Variants in RMND1 observed in about 807,000 individuals in gnomAD.
RMND1 encodes required for meiotic nuclear division protein 1 homolog.
RMND1 carries 41 observed loss-of-function variants against 54.0 expected under a neutral mutation model. The ratio of observed to expected loss-of-function variants is 0.76; its 90% CI spans 0.59 to 0.98. RMND1 has a LOEUF of 0.98. RMND1 is among the 50% of genes least tolerant of loss of function. The pLI, the probability that RMND1 is intolerant of heterozygous loss-of-function variation, is 0.00. For synonymous variants in RMND1, 183 were observed against 181.7 expected (o/e 1.01, Z -0.06); for missense variants, 457 against 532.0 (o/e 0.86, Z 1.39).
Position 151,422,536 on chromosome 6 carries a change from A to G in RMND1, c.1002+5T>C. The G allele has an allele frequency of 1.4e-6, 2 of 1,443,074 alleles. No individual in the cohort carries two copies. Among genetic ancestry groups the G allele is most frequent in the Non-Finnish European group, 9.4e-7 (1 of 1,059,844 alleles). The allele number at this position is 1,443,074 out of a possible 1,614,324, so 89.4% of individuals were successfully genotyped here. ...CTTGAATAAGCATAAAATTGATATA[A>G]TTACCTCAGGAATTGACTGAATAGA... On this transcript the variant is annotated splice_donor_5th_base_variant and intron_variant, in intron 8 of 11. Coordinates refer to ENST00000444024, the MANE Select transcript of RMND1 (RefSeq NM_017909.4).
chr6:151,443,506 T>A (rs1780850612), intron 2 of RMND1, among the ~76,000 whole-genome samples: 1 of 152,128 alleles, frequency 6.6e-6, no homozygotes, highest in Non-Finnish European at 1.5e-5. Flanking sequence ...AGACAGGGTT[T>A]CACCATATTG....
At chr6:151,427,639 G>A in intron 5 of RMND1, 57 bp from the exon 6 acceptor site, 1 of 1,113,342 alleles carries the variant, frequency 9.0e-7, no homozygotes. Flanking sequence ...GTTCAAGTAT[G>A]TTATGATTTT....
chr6:151,433,305 T>A (rs1277074056), intron 3 of RMND1, 75 bp from the exon 4 acceptor site: 1 of 866,402 alleles, frequency 1.2e-6, no homozygotes. Context: ...ATAAACACTG[T>A]AATAAAGTAC....
In RMND1 at chr6:151,406,188, C is replaced by T. The variant is rs537108653; in HGVS notation, c.1201-352G>A. 3.0e-4 allele frequency among the ~76,000 whole-genome samples: 46 copies of T among 152,272 alleles called. No homozygotes were observed. In the South Asian group the frequency reaches 8.1e-3, roughly 27 times the overall value. On this transcript the variant is annotated intron_variant, in intron 10 of 11. Transcript: ENST00000444024. ...AGACCTAAAGATAATTTACTTTCTA[C>T]TAGAAAATCTACGCTTAACATTTGA...
intron 9 of RMND1, 68 bp from the exon 10 acceptor site, chr6:151,417,467 A>G: frequency 1.5e-6 from 2 of 1,322,068 alleles, no homozygotes; most frequent in Non-Finnish European, 2.1e-6. Context: ...ATTGTATTTA[A>G]TATTTACATA....
intron 2 of RMND1, among the ~76,000 whole-genome samples, chr6:151,437,308 A>G (rs1157078560): frequency 6.6e-6 from 1 of 152,230 alleles, no homozygotes; most frequent in African/African-American, 2.4e-5. Context: ...ATTCACAGGA[A>G]ATGCTATTTT....
intron 3 of RMND1, among the ~76,000 whole-genome samples, chr6:151,433,941 C>G (rs1052189451): frequency 7.4e-5 from 5 of 67,210 alleles, no homozygotes; most frequent in Non-Finnish European, 1.1e-4. Context: ...CTCAAGGGAC[C>G]CCCCCCCGCC....
intron 2 of RMND1, among the ~76,000 whole-genome samples, chr6:151,439,170 A>T (rs1402375814): frequency 6.6e-6 from 1 of 152,206 alleles, no homozygotes; most frequent in Non-Finnish European, 1.5e-5. Context: ...TTCTAGATTG[A>T]TATACAGTGA....
rs543089347 is a variant in RMND1, at chr6:151,424,411, C to T, written c.831-780G>A. 8.6e-4 allele frequency among the ~76,000 whole-genome samples: 130 copies of T among 150,314 alleles called. 1 individual carries two copies. Among genetic ancestry groups the T allele is most frequent in the African/African-American group, 2.9e-3 (119 of 40,822 alleles). On this transcript the variant is annotated intron_variant, in intron 6 of 11. Transcript: ENST00000444024. Reference sequence around the variant, plus strand: ...CCGGGAGGCGGAGCTTGCAGTAAGCCGAAATCACGCCACTGCACTCCAGCC... The same window carrying T: ...CCGGGAGGCGGAGCTTGCAGTAAGCTGAAATCACGCCACTGCACTCCAGCC...
At chr6:151,430,667 T>C (rs1693085925) in intron 4 of RMND1, among the ~76,000 whole-genome samples, 1 of 152,200 alleles carries the variant, frequency 6.6e-6, no homozygotes, top group Admixed American at 6.5e-5. Flanking sequence ...ACGCTCACAG[T>C]GCTTGGAACA....
chr6:151,449,134 C>T (rs1357113021), intron 1 of RMND1, among the ~76,000 whole-genome samples: 3 of 146,948 alleles, frequency 2.0e-5, no homozygotes, highest in South Asian at 2.2e-4. Flanking sequence ...TTTGGGAGGC[C>T]GAGGCGGGTG....
At chr6:151,414,421 T>G (rs560257343) in intron 10 of RMND1, among the ~76,000 whole-genome samples, 1 of 152,000 alleles carries the variant, frequency 6.6e-6, no homozygotes, top group African/African-American at 2.4e-5. Context: ...AAACTGGAGG[T>G]ATTAAAATTA....
intron 10 of RMND1, among the ~76,000 whole-genome samples, chr6:151,412,318 T>C (rs1167022662): frequency 2.2e-5 from 2 of 91,150 alleles, no homozygotes; most frequent in East Asian, 6.2e-4. Context: ...TGCTTTTTAA[T>C]TTTTTTTTTT....
intron 8 of RMND1, 112 bp from the exon 9 acceptor site, chr6:151,421,433 T>A (rs111613107): frequency 1.1e-5 from 7 of 646,180 alleles, no homozygotes; most frequent in African/African-American, 7.3e-5. Context: ...TATGTAAATA[T>A]TTTTTAGGAT....
rs1164475948 is a variant in RMND1 at position 151,423,560 on chromosome 6, T to C, written c.902A>G (p.Glu301Gly). 6 of 1,613,874 alleles carry C rather than the reference T, an allele frequency of 3.7e-6. No individual in the cohort carries two copies. The South Asian group carries it at 6.6e-5, about 18-fold the overall frequency. Residue 301 changes from glutamate (E) to glycine (G), a missense_variant, in exon 7 of 12, where the codon GAG becomes GGG. Glu to Gly is a moderately conservative substitution (Grantham distance 98). Coordinates refer to ENST00000444024, the MANE Select transcript of RMND1 (RefSeq NM_017909.4). Reference sequence around the variant, plus strand: ...TAGAGCATTGGAGAAAGCAAACTTCTCTAGAATGGCATCATCTAAATCCAG... The same window carrying C: ...TAGAGCATTGGAGAAAGCAAACTTCCCTAGAATGGCATCATCTAAATCCAG... The part of the protein sequence containing the change: ...SELDLDDAIL[E>G]KFAFSNALCL...
chr6:151,425,674 G>A (rs953308647), intron 6 of RMND1, among the ~76,000 whole-genome samples: 4 of 152,136 alleles, frequency 2.6e-5, no homozygotes, highest in Admixed American at 2.6e-4. Flanking sequence ...CCTTACCTCT[G>A]ACTGCAGCCA....
At chr6:151,437,737 C>A (rs1780652569) in intron 2 of RMND1, among the ~76,000 whole-genome samples, 1 of 152,130 alleles carries the variant, frequency 6.6e-6, no homozygotes, top group South Asian at 2.1e-4. Flanking sequence ...TTCATTCCTT[C>A]CTCCCACCTC....
rs185853718 is a variant in RMND1, at chr6:151,427,803, G to T, written c.730-221C>A. Among the ~76,000 whole-genome samples the T allele has an allele frequency of 6.6e-3, 998 of 152,264 alleles. 8 individuals are homozygous for T. Among genetic ancestry groups the T allele is most frequent in the Non-Finnish European group, 8.9e-3 (603 of 68,020 alleles). On this transcript the variant is annotated intron_variant, in intron 5 of 11. Coordinates refer to ENST00000444024, the MANE Select transcript of RMND1 (RefSeq NM_017909.4). ...GGAAAACACAGATGAGAATGGAGAA[G>T]AAAATCAAGGTTATCATTATCCCAC...
chr6:151,438,548 T>C (rs1466954984), intron 2 of RMND1, among the ~76,000 whole-genome samples: 1 of 151,904 alleles, frequency 6.6e-6, no homozygotes, highest in East Asian at 1.9e-4. Flanking sequence ...AACTCAAGAG[T>C]TGACCTACAT....
Sources: gnomAD v4.1 joint callset for allele counts (sites outside exome capture counted in the v4.1 genomes callset) on GRCh38, gnomAD v4.1.1 for gene constraint, MANE v1.5 for transcripts, NCBI Gene and HGNC (gene_info 2026-07-23, HGNC 2026-07-21) for gene names.